ZNF227: variants seen among roughly 807,000 people sequenced by gnomAD.
The protein encoded by ZNF227 is zinc finger protein 227.
ZNF227 carries 12 observed loss-of-function variants against 13.2 expected under a neutral mutation model. The ratio of observed to expected loss-of-function variants is 0.91; its 90% confidence interval spans 0.58 to 1.47. ZNF227 has a LOEUF of 1.47. Ranked by LOEUF, ZNF227 falls within the 40% of genes most tolerant of loss-of-function variation. ZNF227 has a pLI of 0.00. For missense variants in ZNF227, 885 were observed against 967.5 expected, an observed-to-expected ratio of 0.91 and a Z score of 1.13; for synonymous variants, 338 against 326.0, an observed-to-expected ratio of 1.04 and a Z score of -0.40.
chr19:44,224,278 A>G (rs1359201547), intron 3 of ZNF227, among the ~76,000 whole-genome samples: 2 of 152,176 alleles, frequency 1.3e-5, no homozygotes, highest in Non-Finnish European at 2.9e-5. Flanking sequence ...GTAGATGTCT[A>G]TTAGGTCCAC....
chr19:44,231,185 G>A (rs1043177036), intron 5 of ZNF227, among the ~76,000 whole-genome samples: 1 of 151,570 alleles, frequency 6.6e-6, no homozygotes, highest in African/African-American at 2.4e-5. Flanking sequence ...TGCCATCTTG[G>A]CTCACTGCAA....
At chr19:44,228,671 C>T in intron 4 of ZNF227, 99 bp downstream of exon 4, 1 of 1,308,892 alleles carries the variant, frequency 7.6e-7, no homozygotes, top group Non-Finnish European at 1.0e-6. Flanking sequence ...TGGTTCTTTG[C>T]TCTTGAAGAC....
At position 44,235,445 on chromosome 19, in the gene ZNF227, C is replaced by CT; in HGVS notation, c.1017dup (p.Ile340TyrfsTer14). The CT allele has an allele frequency of 6.2e-7, 1 of 1,614,022 alleles. No homozygotes were observed. The highest frequency in any genetic ancestry group is 8.5e-7 in the Non-Finnish European group (1 of 1,180,014). On this transcript the variant is annotated frameshift_variant, in exon 6 of 6. Transcript: ENST00000313040. LOFTEE classifies it low-confidence loss of function (END_TRUNC). ...CAAGGGATTCAGTAGCAGCACGGGT[C>CT]TTATCATTCATTACAGAACTCATAC...
upstream of ZNF227, among the ~76,000 whole-genome samples, chr19:44,208,899 CA>C (rs1971274010): frequency 6.6e-6 from 1 of 152,034 alleles, no homozygotes; most frequent in Non-Finnish European, 1.5e-5. Context: ...GAAAGTTACC[CA>C]TATTCACTGC....
At chr19:44,217,272 C>G (rs898127155) in intron 2 of ZNF227, among the ~76,000 whole-genome samples, 1 of 151,824 alleles carries the variant, frequency 6.6e-6, no homozygotes, top group African/African-American at 2.4e-5. Context: ...CCTGGCTAAA[C>G]AGCAAGAAGC....
At chr19:44,217,958 A>G (rs759523314) in intron 3 of ZNF227, 106 bp downstream of exon 3, 16 of 1,306,626 alleles carry the variant, frequency 1.2e-5, no homozygotes, top group African/African-American at 1.5e-5. Flanking sequence ...ACAGATATTC[A>G]GGACATGTGG....
chr19:44,224,316 G>T (rs865818677), intron 3 of ZNF227, among the ~76,000 whole-genome samples: 1 of 152,002 alleles, frequency 6.6e-6, no homozygotes, highest in Non-Finnish European at 1.5e-5. Context: ...TCAATTCCTG[G>T]GTATCCTTGT....
At chr19:44,228,316 G>T in intron 3 of ZNF227, 130 bp from the exon 4 acceptor site, 2 of 1,036,312 alleles carry the variant, frequency 1.9e-6, no homozygotes, top group Non-Finnish European at 2.8e-6. Flanking sequence ...AACTGTAACA[G>T]CTGAAAATTG....
In ZNF227 at chr19:44,230,930, T is replaced by A. The variant is rs868348424; in HGVS notation, c.271+1114T>A. On this transcript the variant is annotated intron_variant, in intron 5 of 5. Coordinates refer to ENST00000313040, the MANE Select transcript of ZNF227 (RefSeq NM_182490.3). ...CTACAAAAAAAAAAAAAAAAAAATA[T>A]ATATATATATATATATATATATATC... is the stretch of plus-strand genomic sequence containing the variant. Among the ~76,000 whole-genome samples, 834 of 102,744 alleles carry A rather than the reference T, an allele frequency of 8.1e-3. 12 individuals are homozygous for A. Among genetic ancestry groups the A allele is most frequent in the African/African-American group, 0.042 (648 of 15,534 alleles). The allele number at this position is 102,744 out of a possible 152,430, so 67.4% of individuals were successfully genotyped here. A position where few individuals can be genotyped will look rare whatever the true frequency, so the allele number is the denominator to read the frequency against.
rs1485605526 is a variant in ZNF227, at chr19:44,235,014, T to C, written c.584T>C (p.Ile195Thr). 3 of 1,614,120 alleles carry C rather than the reference T, an allele frequency of 1.9e-6. No homozygotes were observed. In the Admixed American group the frequency reaches 5.0e-5, roughly 27 times the overall value. The change falls in exon 6 of 6, where the codon ATT (isoleucine) becomes ACT (threonine). Residue 195 changes from isoleucine to threonine, a missense_variant. Transcript: ENST00000313040. ...ESQIQSRGKQ[I>T]DVKNNLQIHE... ...CAGATTCAGAGTAGAGGTAAGCAAA[T>C]TGATGTGAAAAATAACCTGCAAATA...
In ZNF227 at chr19:44,235,470, C is replaced by T; in HGVS notation, c.1040C>T (p.Thr347Ile). The change falls in exon 6 of 6, where the codon ACT becomes ATT. Residue 347 changes from threonine to isoleucine, a missense_variant. By Grantham distance (89) the Thr-to-Ile change is moderately conservative. Coordinates refer to ENST00000313040, the MANE Select transcript of ZNF227 (RefSeq NM_182490.3). Reference protein sequence around the residue: ...TGLIIHYRTHTGEKPYKCEEC... With the variant: ...TGLIIHYRTHIGEKPYKCEEC... ...CTTATCATTCATTACAGAACTCATA[C>T]TGGAGAGAAACCCTATAAATGCGAG... 6.2e-7 allele frequency: 1 copy of T among 1,614,098 alleles called. No homozygotes were observed. The highest frequency in any genetic ancestry group is 8.5e-7 in the Non-Finnish European group (1 of 1,180,038).
chr19:44,236,034 T>G lies in ZNF227; in HGVS notation c.1604T>G (p.Leu535Arg). 6.2e-7 allele frequency: 1 copy of G among 1,613,868 alleles called. No individual in the cohort carries two copies. The highest frequency in any genetic ancestry group is 1.1e-5 in the South Asian group (1 of 91,068). ...AAGGGCTTCAGTCAGTCCTCAAAGCTTCAAACCCATCAGCGAGTCCACACT... is the reference window on the plus strand; with the variant it reads ...AAGGGCTTCAGTCAGTCCTCAAAGCGTCAAACCCATCAGCGAGTCCACACT... Reference protein sequence around the residue: ...CGKGFSQSSKLQTHQRVHTGE... With the variant: ...CGKGFSQSSKRQTHQRVHTGE... Residue 535 changes from leucine to arginine, a missense_variant, in exon 6 of 6, where the codon CTT (leucine) becomes CGT (arginine). Leu to Arg is a moderately radical substitution (Grantham distance 102, BLOSUM62 -2). Transcript: ENST00000313040.
At chr19:44,221,109 A>G (rs1370927954) in intron 3 of ZNF227, among the ~76,000 whole-genome samples, 6 of 152,104 alleles carry the variant, frequency 3.9e-5, no homozygotes, top group Non-Finnish European at 7.4e-5. Flanking sequence ...TAGTGCTGCA[A>G]TAAACATACG....
At chr19:44,231,210 G>A (rs1053767612) in intron 5 of ZNF227, among the ~76,000 whole-genome samples, 1 of 151,818 alleles carries the variant, frequency 6.6e-6, no homozygotes, top group African/African-American at 2.4e-5. Flanking sequence ...TGCCTCCCGG[G>A]TTCAAGTGAT....
At chr19:44,229,679 ATG>A (rs1349573660) in intron 4 of ZNF227, 52 bp from the exon 5 acceptor site, 1 of 1,282,364 alleles carries the variant, frequency 7.8e-7, no homozygotes, top group African/African-American at 1.5e-5. Context: ...TCAGACAAAA[ATG>A]TGTTTTAGTT....
chr19:44,212,733 C>G (rs1264057796), intron 1 of ZNF227, 148 bp downstream of exon 1: 1 of 152,210 alleles, frequency 6.6e-6, no homozygotes, highest in African/African-American at 2.4e-5. Context: ...TTGCTCTCCT[C>G]CCGCACTTGG....
rs1041574136 is a variant in ZNF227, at chr19:44,233,209, G to A, written c.272-1493G>A. Among the ~76,000 whole-genome samples the A allele has an allele frequency of 3.9e-5, 6 of 152,072 alleles. No individual in the cohort carries two copies. In the East Asian group the frequency reaches 1.2e-3, roughly 29 times the overall value. ...CATTTTAAGCCAAGGTCTTTCATAC[G>A]TTTCTAACCATGACCCTCAACATAA... is the stretch of plus-strand genomic sequence containing the variant. On this transcript the variant is annotated intron_variant, in intron 5 of 5. Coordinates refer to ENST00000313040, the MANE Select transcript of ZNF227 (RefSeq NM_182490.3).
rs201693785 is a variant in ZNF227 at position 44,236,838 on chromosome 19, A to G, written c.*8A>G. On this transcript the variant is annotated 3_prime_UTR_variant, in exon 6 of 6. Coordinates refer to ENST00000313040, the MANE Select transcript of ZNF227 (RefSeq NM_182490.3). ...ACTGGTAAAAAGCTTTAGAAATGAG[A>G]AATGTGTTACCAACTTTTGTCTGAA... 1.9e-6 allele frequency: 3 copies of G among 1,546,278 alleles called. No individual in the cohort carries two copies. Among genetic ancestry groups the G allele is most frequent in the Non-Finnish European group, 2.6e-6 (3 of 1,148,786 alleles).
At position 44,217,129 on chromosome 19, in the gene ZNF227, A is replaced by AT. The variant is rs957400183; in HGVS notation, c.-2-654dup. Among the ~76,000 whole-genome samples the AT allele has an allele frequency of 3.3e-5, 5 of 151,356 alleles. No homozygotes were observed. The East Asian group carries it at 7.8e-4, about 24-fold the overall frequency. Reference sequence around the variant, plus strand: ...AGACCCGCACCACCACGCCTGGCTGATTTTTTTTATTTTTGGTAGAGATGA... The same window carrying AT: ...AGACCCGCACCACCACGCCTGGCTGATTTTTTTTTATTTTTGGTAGAGATGA... On this transcript the variant is annotated intron_variant, in intron 2 of 5. Transcript: ENST00000313040.
Sources: gnomAD v4.1 joint callset for allele counts (sites outside exome capture counted in the v4.1 genomes callset) on GRCh38, gnomAD v4.1.1 for gene constraint, MANE v1.5 for transcripts, NCBI Gene and HGNC (gene_info 2026-07-23, HGNC 2026-07-21) for gene names.